CDH23: variants seen among roughly 807,000 people sequenced by gnomAD.
The protein encoded by CDH23 is cadherin related 23.
CDH23 carries 189 observed loss-of-function variants against 317.1 expected under a neutral mutation model. The ratio of observed to expected loss-of-function variants is 0.60; its 90% CI spans 0.53 to 0.67. The LOEUF (loss-of-function observed/expected upper bound fraction) is 0.67. CDH23 is among the 30% of genes least tolerant of loss of function. The pLI is 0.00. For missense variants in CDH23, 4,401 were observed against 4,592.4 expected (o/e 0.96, Z 1.20); for synonymous variants, 1,839 against 1,876.8 (o/e 0.98, Z 0.52).
At chr10:71,406,662 C>T (rs945593787) in intron 1 of CDH23, among the ~76,000 whole-genome samples, 3 of 151,858 alleles carry the variant, frequency 2.0e-5, no homozygotes, top group African/African-American at 7.3e-5. Flanking sequence ...ATCTAAACAT[C>T]GAGATTAAAA....
At chr10:71,495,571 G>A (rs1365693730) in intron 3 of CDH23, among the ~76,000 whole-genome samples, 2 of 152,006 alleles carry the variant, frequency 1.3e-5, no homozygotes, top group Non-Finnish European at 2.9e-5. Flanking sequence ...GGTGGCTCAC[G>A]CCTGTAATCC....
At chr10:71,523,865 C>T (rs1435657317) in intron 6 of CDH23, among the ~76,000 whole-genome samples, 1 of 152,194 alleles carries the variant, frequency 6.6e-6, no homozygotes, top group Admixed American at 6.5e-5. Flanking sequence ...CCCTCTCCAG[C>T]CTCCCCTTAA....
chr10:71,716,784 C>T (rs1364881088), intron 28 of CDH23: 1 of 165,626 alleles, frequency 6.0e-6, no homozygotes, highest in Non-Finnish European at 1.3e-5. Context: ...AAGCTGCAAA[C>T]TGGGGGCCCA....
chr10:71,721,129 G>A (rs1866536500), intron 28 of CDH23, among the ~76,000 whole-genome samples: 3 of 152,204 alleles, frequency 2.0e-5, no homozygotes, highest in African/African-American at 7.2e-5. Flanking sequence ...GCTGGAGCAG[G>A]GAGGCATCAA....
chr10:71,697,203 C>T (rs934486108), intron 22 of CDH23, among the ~76,000 whole-genome samples: 7 of 152,224 alleles, frequency 4.6e-5, no homozygotes, highest in East Asian at 1.9e-4. Context: ...TTGGTCCCCC[C>T]GCCCTTCACC....
chr10:71,636,547 G>T (rs560334471), intron 11 of CDH23, among the ~76,000 whole-genome samples: 1 of 152,132 alleles, frequency 6.6e-6, no homozygotes, highest in African/African-American at 2.4e-5. Context: ...GGCATTACGG[G>T]CCTTAGAGAA....
intron 28 of CDH23, among the ~76,000 whole-genome samples, chr10:71,723,837 G>A (rs1866680192): frequency 6.6e-6 from 1 of 152,192 alleles, no homozygotes; most frequent in Admixed American, 6.5e-5. Flanking sequence ...GGACAGGGCT[G>A]CAGGGGCCAT....
Position 71,646,551 on chromosome 10 carries a change from C to G in CDH23, c.1383C>G (p.Ser461Arg). Reference sequence around the variant, plus strand: ...AAAATGACAACCGGCCCATCTTCAGCCAGCCACTGTACAACATCAGCCTGT... The same window carrying G: ...AAAATGACAACCGGCCCATCTTCAGGCAGCCACTGTACAACATCAGCCTGT... Reference protein sequence around the residue: ...INENDNRPIFSQPLYNISLYE... With the variant: ...INENDNRPIFRQPLYNISLYE... The change falls in exon 14 of 70, where the codon AGC becomes AGG. Residue 461 changes from serine to arginine, a missense_variant. Physicochemically the swap from Ser to Arg is moderately radical, Grantham distance 110. Around this residue, in one of 3 missense-constraint regions of CDH23, gnomAD observed 3,068 missense variants for 3,203.3 expected, o/e 0.96. Transcript: ENST00000224721. The G allele has an allele frequency of 1.2e-6, 2 of 1,614,016 alleles. No individual in the cohort carries two copies. Among genetic ancestry groups the G allele is most frequent in the Non-Finnish European group, 1.7e-6 (2 of 1,179,890 alleles).
intron 8 of CDH23, among the ~76,000 whole-genome samples, chr10:71,574,739 A>T (rs1858060402): frequency 6.6e-6 from 1 of 152,188 alleles, no homozygotes; most frequent in Non-Finnish European, 1.5e-5. Context: ...GGGACAAGCC[A>T]CAGAGGGAAG....
Position 71,800,865 on chromosome 10 carries a change from C to G in CDH23, c.7482+110C>G, listed in dbSNP as rs187554104. The G allele has an allele frequency of 7.6e-5, 109 of 1,438,058 alleles. 1 individual carries two copies. In the African/African-American group the frequency reaches 1.4e-3, roughly 18 times the overall value. 89.1% of individuals were successfully genotyped at this position (1,438,058 alleles called of 1,614,324 possible). ...CAGACTGGGAGCAGAGCCCCCCGGT[C>G]CCCTTTGAGACACAGTGACAGAAAG... On this transcript the variant is annotated intron_variant, in intron 53 of 69. Transcript: ENST00000224721.
Position 71,800,752 on chromosome 10 carries a change from G to C in CDH23, c.7479G>C (p.Val2493=), listed in dbSNP as rs1376662404. 1 of 1,613,644 alleles carries C rather than the reference G, an allele frequency of 6.2e-7. No individual in the cohort carries two copies. The highest frequency in any genetic ancestry group is 8.5e-7 in the Non-Finnish European group (1 of 1,179,812). The part of the protein sequence containing the change: ...DVASNRRENS[V]QVVIQVLDVN... ...CCAGCAACCGTCGCGAAAATTCAGT[G>C]CAGGTGAGGGGTGCCAACCTGGGCC... Residue 2493 remains valine (V), a synonymous_variant, in exon 53 of 70, where the codon GTG becomes GTC. Coordinates refer to ENST00000224721, the MANE Select transcript of CDH23 (RefSeq NM_022124.6).
intron 47 of CDH23, among the ~76,000 whole-genome samples, chr10:71,791,783 C>T (rs1564795753): frequency 6.6e-6 from 1 of 151,970 alleles, no homozygotes; most frequent in Non-Finnish European, 1.5e-5. Flanking sequence ...ACCCTGTTGG[C>T]CAGGCTGGTC....
At chr10:71,784,822 C>T in intron 42 of CDH23, 69 bp from the exon 43 acceptor site, 1 of 1,332,890 alleles carries the variant, frequency 7.5e-7, no homozygotes, top group Admixed American at 1.7e-5. Context: ...GGCGAACCTC[C>T]TCCTCGGTTG....
At chr10:71,414,357 G>A (rs1361651467) in intron 1 of CDH23, among the ~76,000 whole-genome samples, 1 of 152,064 alleles carries the variant, frequency 6.6e-6, no homozygotes. Flanking sequence ...TTTGTTAAGA[G>A]TTTTTTCATA....
chr10:71,620,127 G>A (rs1164829439), intron 11 of CDH23, among the ~76,000 whole-genome samples: 1 of 152,138 alleles, frequency 6.6e-6, no homozygotes, highest in African/African-American at 2.4e-5. Flanking sequence ...CCCTGCAGCA[G>A]GGAAGAGGCA....
chr10:71,549,554 C>A (rs1269405628), intron 6 of CDH23, among the ~76,000 whole-genome samples: 1 of 152,180 alleles, frequency 6.6e-6, no homozygotes, highest in Non-Finnish European at 1.5e-5. Context: ...AAATCATGTG[C>A]CAACTCCAGG....
chr10:71,620,423 C>A (rs1861409405), intron 11 of CDH23, among the ~76,000 whole-genome samples: 1 of 152,180 alleles, frequency 6.6e-6, no homozygotes, highest in African/African-American at 2.4e-5. Context: ...CGGAACCCCC[C>A]AGGACTGCTC....
intron 38 of CDH23, among the ~76,000 whole-genome samples, chr10:71,752,507 C>A (rs1840030183): frequency 6.6e-6 from 1 of 152,210 alleles, no homozygotes; most frequent in South Asian, 2.1e-4. Flanking sequence ...AATACACAGT[C>A]CCCATCCCCT....
chr10:71,475,914 G>C (rs1188031641), intron 3 of CDH23, among the ~76,000 whole-genome samples: 1 of 152,222 alleles, frequency 6.6e-6, no homozygotes, highest in Admixed American at 6.5e-5. Flanking sequence ...TTTCCCATCT[G>C]CCATGTGGCC....
Sources: allele counts gnomAD v4.1 joint callset (sites outside exome capture counted in the v4.1 genomes callset), GRCh38; gene constraint gnomAD v4.1.1; regional missense constraint gnomAD v4.1.1; transcripts MANE v1.5; gene names NCBI Gene and HGNC (gene_info 2026-07-23, HGNC 2026-07-21).